LUZP2: variants seen among roughly 807,000 people sequenced by gnomAD.
LUZP2 encodes the protein leucine zipper protein 2.
LUZP2 carries 52 observed loss-of-function variants against 51.6 expected under a neutral mutation model. The observed-to-expected ratio is 1.01, with a 90% CI of 0.81 to 1.27. The LOEUF (loss-of-function observed/expected upper bound fraction) is 1.27, where lower values mean the gene tolerates loss of function less well. Ranked by LOEUF, LUZP2 falls within the 50% of genes most tolerant of loss-of-function variation. LUZP2 has a pLI of 0.00. For synonymous variants in LUZP2, 154 were observed against 137.3 expected, an observed-to-expected ratio of 1.12 and a Z score of -0.85; for missense variants, 436 against 395.4, an observed-to-expected ratio of 1.10 and a Z score of -0.87.
chr11:24,601,605 C>A (rs2133863152), intron 1 of LUZP2, among the ~76,000 whole-genome samples: 1 of 151,594 alleles, frequency 6.6e-6, no homozygotes, highest in South Asian at 2.1e-4. Context: ...GGTAGCCTAT[C>A]CAAATTAATT....
Position 24,984,549 on chromosome 11 carries a change from T to A in LUZP2, c.765+1256T>A, listed in dbSNP as rs10646216. 9.8e-3 allele frequency among the ~76,000 whole-genome samples: 700 copies of A among 71,220 alleles called. 23 individuals carry two copies. Among genetic ancestry groups the A allele is most frequent in the African/African-American group, 0.028 (580 of 20,886 alleles). 46.7% of individuals were successfully genotyped at this position (71,220 alleles called of 152,430 possible). A position where few individuals can be genotyped will look rare whatever the true frequency, so the allele number is the denominator to read the frequency against. ...TTATATATATATATATATATATATA[T>A]AATTGTGAATTTTAAAAGCCACAAG... On this transcript the variant is annotated intron_variant, in intron 9 of 11. Transcript: ENST00000336930.
At chr11:24,753,948 T>G (rs1163521432) in intron 4 of LUZP2, among the ~76,000 whole-genome samples, 3 of 152,174 alleles carry the variant, frequency 2.0e-5, no homozygotes, top group Non-Finnish European at 4.4e-5. Flanking sequence ...TTTGGGGCCC[T>G]TTAGTATTGG....
At chr11:24,768,837 G>A (rs1388322733) in intron 5 of LUZP2, among the ~76,000 whole-genome samples, 1 of 152,112 alleles carries the variant, frequency 6.6e-6, no homozygotes, top group African/African-American at 2.4e-5. Context: ...ACAACAATAT[G>A]AAAGTTTCTC....
chr11:24,681,106 C>G (rs937813067), intron 1 of LUZP2, among the ~76,000 whole-genome samples: 1 of 152,008 alleles, frequency 6.6e-6, no homozygotes, highest in Non-Finnish European at 1.5e-5. Context: ...CTCAGCCTCC[C>G]GAGTAGTTGG....
chr11:24,899,250 A>G (rs1448261380), intron 5 of LUZP2, among the ~76,000 whole-genome samples: 4 of 152,148 alleles, frequency 2.6e-5, no homozygotes, highest in African/African-American at 2.4e-5. Context: ...CAGATTTATT[A>G]TATATCTTAT....
chr11:24,513,334 G>T (rs1019129055), intron 1 of LUZP2, among the ~76,000 whole-genome samples: 2 of 152,082 alleles, frequency 1.3e-5, no homozygotes, highest in African/African-American at 4.8e-5. Context: ...TGAAAGAAAA[G>T]CTACAGAGTC....
At chr11:24,864,219 T>C (rs2134251156) in intron 5 of LUZP2, among the ~76,000 whole-genome samples, 1 of 152,314 alleles carries the variant, frequency 6.6e-6, no homozygotes, top group African/African-American at 2.4e-5. Context: ...CACACATGTT[T>C]GAAGTTTCTA....
chr11:24,850,854 T>A (rs10834498), intron 5 of LUZP2, among the ~76,000 whole-genome samples: 94,523 of 151,910 alleles, frequency 0.62, 29,925 homozygotes, highest in Middle Eastern at 0.7. Flanking sequence ...TAAGTTGTAT[T>A]CCTAGGTATT....
intron 1 of LUZP2, among the ~76,000 whole-genome samples, chr11:24,610,764 G>A (rs1590239602): frequency 2.0e-5 from 3 of 152,246 alleles, no homozygotes; most frequent in African/African-American, 7.2e-5. Flanking sequence ...CGGCCAACAT[G>A]GTGAAACCCT....
At chr11:24,718,928 C>T (rs184493360) in intron 1 of LUZP2, among the ~76,000 whole-genome samples, 154 of 152,172 alleles carry the variant, frequency 1.0e-3, no homozygotes, top group Non-Finnish European at 1.6e-3. Context: ...AGTTTATTCA[C>T]AGGAATTGAA....
chr11:24,925,859 G>A (rs997327467), intron 7 of LUZP2, among the ~76,000 whole-genome samples: 2 of 151,954 alleles, frequency 1.3e-5, no homozygotes, highest in Non-Finnish European at 2.9e-5. Context: ...AGAGTACACT[G>A]TACCCAATGT....
At position 24,592,932 on chromosome 11, in the gene LUZP2, G is replaced by A. The variant is rs556613057; in HGVS notation, c.62+95627G>A. ...CAGAATCCATTACAGACATCTATTG[G>A]TGATGCACATAAGTCAAACAATAAC... On this transcript the variant is annotated intron_variant, in intron 1 of 11. Coordinates refer to ENST00000336930, the MANE Select transcript of LUZP2 (RefSeq NM_001009909.4). Among the ~76,000 whole-genome samples the A allele has an allele frequency of 8.5e-5, 13 of 152,266 alleles. No individual in the cohort carries two copies. In the East Asian group the frequency reaches 2.5e-3, roughly 29 times the overall value.
At chr11:24,712,019 C>A (rs976091622) in intron 1 of LUZP2, among the ~76,000 whole-genome samples, 1 of 152,076 alleles carries the variant, frequency 6.6e-6, no homozygotes, top group Admixed American at 6.6e-5. Context: ...CCTTAGTATA[C>A]CATAGCGTGT....
intron 5 of LUZP2, chr11:24,786,019 G>A: frequency 5.1e-6 from 5 of 985,178 alleles, no homozygotes; most frequent in Non-Finnish European, 6.0e-6. Flanking sequence ...CCCAGAGTTG[G>A]GGCACCGAGT....
intron 5 of LUZP2, among the ~76,000 whole-genome samples, chr11:24,849,426 C>CA (rs1414995727): frequency 6.6e-5 from 10 of 152,172 alleles, no homozygotes; most frequent in African/African-American, 2.4e-4. Flanking sequence ...TGATGGTTTC[C>CA]AGCTTAATCC....
chr11:24,845,930 G>A (rs796502455), intron 5 of LUZP2, among the ~76,000 whole-genome samples: 3 of 152,082 alleles, frequency 2.0e-5, no homozygotes, highest in African/African-American at 7.2e-5. Context: ...GGAAAATAAA[G>A]CTACTAACAA....
At chr11:24,857,244 C>T (rs1378305039) in intron 5 of LUZP2, among the ~76,000 whole-genome samples, 2 of 149,048 alleles carry the variant, frequency 1.3e-5, no homozygotes, top group Admixed American at 1.3e-4. Context: ...CCCCACTCCC[C>T]TACCCACAAG....
intron 7 of LUZP2, among the ~76,000 whole-genome samples, chr11:24,964,309 A>G (rs1157467711): frequency 6.6e-6 from 1 of 152,220 alleles, no homozygotes; most frequent in Non-Finnish European, 1.5e-5. Flanking sequence ...ATAATCTCAG[A>G]AAAAGAGGCT....
intron 5 of LUZP2, among the ~76,000 whole-genome samples, chr11:24,859,598 GA>G (rs1565004916): frequency 6.6e-6 from 1 of 152,066 alleles, no homozygotes; most frequent in Non-Finnish European, 1.5e-5. Flanking sequence ...GGCTTCCATC[GA>G]AAAAACCATA....
Sources: gnomAD v4.1 joint callset for allele counts (sites outside exome capture counted in the v4.1 genomes callset) on GRCh38, gnomAD v4.1.1 for gene constraint, MANE v1.5 for transcripts, NCBI Gene and HGNC (gene_info 2026-07-23, HGNC 2026-07-21) for gene names.